The following ZBTB20 variants were observed in gnomAD, a reference collection of about 807,000 sequenced individuals.
ZBTB20 encodes the protein zinc finger and BTB domain-containing protein 20.
Under a neutral mutation model 56.9 loss-of-function variants are expected in ZBTB20, and 9 were observed. The observed-to-expected ratio is 0.16, with a 90% CI of 0.10 to 0.28. The LOEUF is 0.28. Among genes scored for constraint, ZBTB20 ranks in the 10% least tolerant of loss-of-function variants. The pLI is 1.00. For missense variants in ZBTB20, 655 were observed against 1,003.0 expected (o/e 0.65, Z 4.69); for synonymous variants, 417 against 420.7 (o/e 0.99, Z 0.11).
chr3:115,111,926 T>TA (rs1445118444), intron 1 of ZBTB20, among the ~76,000 whole-genome samples: 3 of 152,288 alleles, frequency 2.0e-5, no homozygotes, highest in Non-Finnish European at 4.4e-5. Context: ...CTCTTAAAGC[T>TA]AATCAAGAAA....
At chr3:114,601,704 T>C (rs1483755425) in intron 6 of ZBTB20, among the ~76,000 whole-genome samples, 1 of 151,970 alleles carries the variant, frequency 6.6e-6, no homozygotes, top group African/African-American at 2.4e-5. Flanking sequence ...TGTTTTAAAC[T>C]AGGTATTGAA....
chr3:114,797,853 G>A (rs2071428381), intron 5 of ZBTB20, among the ~76,000 whole-genome samples: 1 of 151,830 alleles, frequency 6.6e-6, no homozygotes, highest in Admixed American at 6.6e-5. Context: ...TCAGTACATG[G>A]TGGAGAGAGG....
At chr3:114,671,091 G>T (rs992354939) in intron 6 of ZBTB20, among the ~76,000 whole-genome samples, 2 of 152,104 alleles carry the variant, frequency 1.3e-5, no homozygotes, top group East Asian at 3.9e-4. Context: ...CATGGAATCA[G>T]TTAGTTAGAT....
chr3:114,336,269 A>G lies in ZBTB20; in HGVS notation c.*2736T>C, dbSNP rs2079449686. On this transcript the variant is annotated 3_prime_UTR_variant, in exon 12 of 12. Transcript: ENST00000675478. ...GGTGGAATCACTTGTTTTCCAAAATATCAAAACAATTCCATGACATAGTTA... is the reference window on the plus strand; with the variant it reads ...GGTGGAATCACTTGTTTTCCAAAATGTCAAAACAATTCCATGACATAGTTA... 1 of 152,208 alleles carries G rather than the reference A, an allele frequency of 6.6e-6. No homozygotes were observed. The highest frequency in any genetic ancestry group is 1.5e-5 in the Non-Finnish European group (1 of 68,034). The allele number at this position is 152,208 out of a possible 1,614,324, so 9.4% of individuals were successfully genotyped here.
intron 2 of ZBTB20, among the ~76,000 whole-genome samples, chr3:115,015,556 G>A (rs1357736937): frequency 1.3e-5 from 2 of 151,794 alleles, no homozygotes; most frequent in Non-Finnish European, 2.9e-5. Context: ...ACTTATAAGT[G>A]AGAATATGTG....
At chr3:114,622,935 G>A (rs956328680) in intron 6 of ZBTB20, among the ~76,000 whole-genome samples, 2 of 152,194 alleles carry the variant, frequency 1.3e-5, no homozygotes, top group African/African-American at 2.4e-5. Flanking sequence ...TTCAGCCTAT[G>A]AGAACCATAT....
intron 5 of ZBTB20, among the ~76,000 whole-genome samples, chr3:114,713,367 T>C (rs749205601): frequency 1.6e-4 from 25 of 152,136 alleles, no homozygotes; most frequent in Non-Finnish European, 2.9e-5. Context: ...AAATTAAAAT[T>C]TTCCTAGCTG....
At chr3:114,751,826 C>A (rs536278850) in intron 5 of ZBTB20, among the ~76,000 whole-genome samples, 1 of 152,166 alleles carries the variant, frequency 6.6e-6, no homozygotes, top group East Asian at 1.9e-4. Context: ...AATCGTATTA[C>A]AATTTTCATC....
chr3:114,619,499 T>A (rs1302793429), intron 6 of ZBTB20, among the ~76,000 whole-genome samples: 1 of 151,298 alleles, frequency 6.6e-6, no homozygotes, highest in African/African-American at 2.4e-5. Context: ...TATTTTGGGT[T>A]TTTTTTTTAA....
In ZBTB20 at chr3:114,338,580, C is replaced by T. The variant is rs2079542004; in HGVS notation, c.*425G>A. 1 of 153,486 alleles carries T rather than the reference C, an allele frequency of 6.5e-6. No homozygotes were observed. The highest frequency in any genetic ancestry group is 6.5e-5 in the Admixed American group (1 of 15,296). 9.5% of individuals were successfully genotyped at this position (153,486 alleles called of 1,614,324 possible). A position where few individuals can be genotyped will look rare whatever the true frequency, so the allele number is the denominator to read the frequency against. ...AAAATGTCCACTGAAACACTGCAAG[C>T]GGTGTACTTAAAGACAGTAGGCCTT... On this transcript the variant is annotated 3_prime_UTR_variant, in exon 12 of 12. Coordinates refer to ENST00000675478, the MANE Select transcript of ZBTB20 (RefSeq NM_001348800.3).
At chr3:114,923,889 T>C (rs1172419453) in intron 3 of ZBTB20, among the ~76,000 whole-genome samples, 1 of 151,772 alleles carries the variant, frequency 6.6e-6, no homozygotes, top group Non-Finnish European at 1.5e-5. Context: ...TAACAATAAC[T>C]CAATTTAAAA....
At chr3:115,119,792 C>A (rs1280251639) in intron 1 of ZBTB20, among the ~76,000 whole-genome samples, 2 of 152,086 alleles carry the variant, frequency 1.3e-5, no homozygotes, top group Non-Finnish European at 2.9e-5. Context: ...CCCCACTGTT[C>A]TAAAACAGAG....
chr3:115,036,124 G>C (rs1258295733), intron 2 of ZBTB20, among the ~76,000 whole-genome samples: 1 of 152,082 alleles, frequency 6.6e-6, no homozygotes, highest in African/African-American at 2.4e-5. Context: ...AAGTTTGCAA[G>C]ATGAAAATAA....
chr3:114,794,328 CTTAA>C (rs1289486947), intron 5 of ZBTB20, among the ~76,000 whole-genome samples: 2 of 151,904 alleles, frequency 1.3e-5, no homozygotes, highest in Non-Finnish European at 2.9e-5. Context: ...ATCTCCTGCA[CTTAA>C]TATTTCTTTT....
At chr3:114,843,019 A>G (rs2074454573) in intron 4 of ZBTB20, among the ~76,000 whole-genome samples, 1 of 152,002 alleles carries the variant, frequency 6.6e-6, no homozygotes, top group Non-Finnish European at 1.5e-5. Flanking sequence ...GATGCTTTTA[A>G]AGTTATTTGG....
At chr3:115,121,057 A>G (rs1350423384) in intron 1 of ZBTB20, among the ~76,000 whole-genome samples, 1 of 152,018 alleles carries the variant, frequency 6.6e-6, no homozygotes, top group African/African-American at 2.4e-5. Flanking sequence ...TCATTAAGGT[A>G]ATAATTCAAA....
chr3:115,090,484 CATT>C (rs1424678741), intron 1 of ZBTB20, among the ~76,000 whole-genome samples: 17 of 151,340 alleles, frequency 1.1e-4, no homozygotes, highest in African/African-American at 3.6e-4. Context: ...TAAGTATTAT[CATT>C]ATTATTACAG....
chr3:115,127,135 A>T (rs1349382081), intron 1 of ZBTB20, among the ~76,000 whole-genome samples: 1 of 152,186 alleles, frequency 6.6e-6, no homozygotes, highest in Non-Finnish European at 1.5e-5. Context: ...AGTCCAAAAA[A>T]ATCTATGTTA....
chr3:114,595,623 T>A (rs145152306), intron 6 of ZBTB20, among the ~76,000 whole-genome samples: 36 of 152,348 alleles, frequency 2.4e-4, no homozygotes, highest in African/African-American at 8.7e-4. Flanking sequence ...TTCCAGGGTA[T>A]TCCCTTGGAT....
Sources: allele counts gnomAD v4.1 joint callset (sites outside exome capture counted in the v4.1 genomes callset), GRCh38; gene constraint gnomAD v4.1.1; transcripts MANE v1.5; gene names NCBI Gene and HGNC (gene_info 2026-07-23, HGNC 2026-07-21).